DEUP1: variants seen among roughly 807,000 people sequenced by gnomAD.
The protein encoded by DEUP1 is deuterosome assembly protein 1.
A neutral mutation model predicts 87.4 loss-of-function variants in DEUP1; 82 were observed. The ratio of observed to expected loss-of-function variants is 0.94; its 90% CI spans 0.78 to 1.13. The LOEUF (loss-of-function observed/expected upper bound fraction) is 1.13, where lower values mean the gene tolerates loss of function less well. Among genes scored for constraint, DEUP1 ranks in the 50% most tolerant of loss-of-function variants. DEUP1 has a pLI of 0.00. For synonymous variants in DEUP1, 214 were observed against 222.7 expected, an observed-to-expected ratio of 0.96 and a Z score of 0.35; for missense variants, 663 against 681.5, an observed-to-expected ratio of 0.97 and a Z score of 0.30.
intron 2 of DEUP1, chr11:93,352,298 C>T (rs530948478): frequency 2.9e-6 from 2 of 698,802 alleles, no homozygotes; most frequent in South Asian, 1.5e-5. Flanking sequence ...TTGTATGTTC[C>T]TTAGGCTGAA....
intron 9 of DEUP1, among the ~76,000 whole-genome samples, chr11:93,392,863 T>C (rs926350793): frequency 1.1e-4 from 17 of 151,834 alleles, no homozygotes; most frequent in African/African-American, 4.1e-4. Flanking sequence ...TCCTTTTAGT[T>C]CACTGAGTGT....
intron 2 of DEUP1, among the ~76,000 whole-genome samples, chr11:93,339,024 C>G (rs1943918725): frequency 6.6e-6 from 1 of 152,154 alleles, no homozygotes; most frequent in African/African-American, 2.4e-5. Context: ...CTTTCATGGA[C>G]TCTCCAAGGG....
At chr11:93,363,186 AC>A (rs762113468) in intron 4 of DEUP1, among the ~76,000 whole-genome samples, 1 of 151,892 alleles carries the variant, frequency 6.6e-6, no homozygotes, top group Non-Finnish European at 1.5e-5. Flanking sequence ...GAGATGGAAA[AC>A]AAATTAGTGG....
At chr11:93,332,379 A>G in intron 2 of DEUP1, 91 bp downstream of exon 2, 1 of 964,804 alleles carries the variant, frequency 1.0e-6, no homozygotes, top group East Asian at 2.6e-5. Context: ...TTTACTATTA[A>G]TAGAAGGATA....
intron 10 of DEUP1, among the ~76,000 whole-genome samples, chr11:93,395,427 AG>A (rs1351873649): frequency 2.6e-5 from 4 of 152,210 alleles, no homozygotes; most frequent in Non-Finnish European, 5.9e-5. Context: ...GAAAAGATTT[AG>A]CCTTTGCCCA....
intron 2 of DEUP1, among the ~76,000 whole-genome samples, chr11:93,344,464 T>G (rs1182731602): frequency 6.6e-6 from 1 of 151,850 alleles, no homozygotes; most frequent in East Asian, 1.9e-4. Context: ...TTTCATGACA[T>G]AGTCTCCTGT....
At chr11:93,406,946 C>G (rs1947297889) in intron 11 of DEUP1, among the ~76,000 whole-genome samples, 1 of 151,960 alleles carries the variant, frequency 6.6e-6, no homozygotes, top group Non-Finnish European at 1.5e-5. Context: ...CTATTTTTAT[C>G]TATCAAGTTG....
chr11:93,345,301 T>C (rs1944289335), intron 2 of DEUP1, among the ~76,000 whole-genome samples: 1 of 152,204 alleles, frequency 6.6e-6, no homozygotes, highest in African/African-American at 2.4e-5. Context: ...CTATTGTGAA[T>C]AGTGCTGCAG....
chr11:93,387,747 A>G lies in DEUP1; in HGVS notation c.936-1273A>G, dbSNP rs192933414. Among the ~76,000 whole-genome samples, 8 of 152,214 alleles carry G rather than the reference A, an allele frequency of 5.3e-5. No individual in the cohort carries two copies. In the East Asian group the frequency reaches 1.5e-3, roughly 29 times the overall value. On this transcript the variant is annotated intron_variant, in intron 8 of 13. Transcript: ENST00000298050. ...TATGGAAATTTTTCACTCATTTCAAATTATAGGAAATAATGAAAACTTAAG... is the reference window on the plus strand; with the variant it reads ...TATGGAAATTTTTCACTCATTTCAAGTTATAGGAAATAATGAAAACTTAAG...
rs937900685 is a variant in DEUP1, at chr11:93,438,113, C to T, written c.*394C>T. The T allele has an allele frequency of 6.4e-6, 1 of 156,022 alleles. No individual in the cohort carries two copies. Among genetic ancestry groups the T allele is most frequent in the Non-Finnish European group, 1.4e-5 (1 of 71,180 alleles). 9.7% of individuals were successfully genotyped at this position (156,022 alleles called of 1,614,324 possible). ...TGCTATATTCCAGATACAAATGACT[C>T]AAAGGCAGCTCAGTTGTACTGGTTT... On this transcript the variant is annotated 3_prime_UTR_variant, in exon 14 of 14. Transcript: ENST00000298050.
chr11:93,352,623 T>C (rs1944681447), intron 2 of DEUP1: 1 of 572,292 alleles, frequency 1.7e-6, no homozygotes, highest in Admixed American at 2.8e-5. Flanking sequence ...TACCTGAGAC[T>C]GGGAAGAAAA....
intron 13 of DEUP1, among the ~76,000 whole-genome samples, chr11:93,427,450 C>A (rs1486880999): frequency 6.6e-6 from 1 of 152,066 alleles, no homozygotes; most frequent in East Asian, 1.9e-4. Context: ...GCATCCCTTC[C>A]TTACACCTTA....
intron 2 of DEUP1, among the ~76,000 whole-genome samples, chr11:93,349,077 T>G (rs762622837): frequency 6.6e-6 from 1 of 152,208 alleles, no homozygotes; most frequent in Admixed American, 6.5e-5. Flanking sequence ...GCCTCCTTTT[T>G]GAAAGCCCGC....
At chr11:93,432,446 G>A (rs934970240) in intron 13 of DEUP1, among the ~76,000 whole-genome samples, 5 of 152,176 alleles carry the variant, frequency 3.3e-5, no homozygotes, top group Non-Finnish European at 7.3e-5. Flanking sequence ...CAATAGAATC[G>A]CCTTGCAGTG....
chr11:93,330,417 T>A (rs1334154523), upstream of DEUP1, among the ~76,000 whole-genome samples: 1 of 152,140 alleles, frequency 6.6e-6, no homozygotes, highest in Non-Finnish European at 1.5e-5. Flanking sequence ...GGACCCAGAA[T>A]AGAGGGGGCA....
chr11:93,405,710 T>C (rs1947251955), intron 11 of DEUP1, among the ~76,000 whole-genome samples: 1 of 151,968 alleles, frequency 6.6e-6, no homozygotes, highest in Non-Finnish European at 1.5e-5. Flanking sequence ...GATACTAATA[T>C]GACAGTATGT....
chr11:93,375,192 A>T (rs559394712), intron 7 of DEUP1, among the ~76,000 whole-genome samples: 2 of 152,012 alleles, frequency 1.3e-5, no homozygotes, highest in Non-Finnish European at 1.5e-5. Flanking sequence ...AGCTTTTTGG[A>T]TGAATCTTTA....
chr11:93,364,095 T>C (rs1173560906), intron 4 of DEUP1, 65 bp from the exon 5 acceptor site: 3 of 1,187,150 alleles, frequency 2.5e-6, no homozygotes, highest in African/African-American at 1.5e-5. Flanking sequence ...GGAAAAGAGA[T>C]ATAGTGAAAT....
intron 8 of DEUP1, among the ~76,000 whole-genome samples, chr11:93,388,691 A>T (rs184863338): frequency 1.3e-5 from 2 of 152,252 alleles, no homozygotes; most frequent in East Asian, 3.9e-4. Context: ...TAAATGGGTT[A>T]CCAAGCTATT....
Sources: gnomAD v4.1 joint callset for allele counts (sites outside exome capture counted in the v4.1 genomes callset) on GRCh38, gnomAD v4.1.1 for gene constraint, MANE v1.5 for transcripts, NCBI Gene and HGNC (gene_info 2026-07-23, HGNC 2026-07-21) for gene names.